The following DCLK3 variants were observed in gnomAD, a reference collection of about 807,000 sequenced individuals.
DCLK3 encodes serine/threonine-protein kinase DCLK3.
Under a neutral mutation model 46.4 loss-of-function variants are expected in DCLK3, and 30 were observed. The observed-to-expected ratio is 0.65, with a 90% CI of 0.48 to 0.88. The LOEUF (loss-of-function observed/expected upper bound fraction) is 0.88, where lower values mean the gene tolerates loss of function less well. Among genes scored for constraint, DCLK3 ranks in the 40% least tolerant of loss-of-function variants. The pLI is 0.00. For synonymous variants in DCLK3, 401 were observed against 339.2 expected (o/e 1.18, Z -2.00); for missense variants, 846 against 907.1 (o/e 0.93, Z 0.87).
chr3:36,748,323 T>C (rs748426682), intron 1 of DCLK3, among the ~76,000 whole-genome samples: 1 of 152,168 alleles, frequency 6.6e-6, no homozygotes, highest in African/African-American at 2.4e-5. Flanking sequence ...ACAGCTGGTT[T>C]AAGTGTTGTT....
At chr3:36,752,525 T>C (rs1333934907) in intron 1 of DCLK3, among the ~76,000 whole-genome samples, 1 of 152,216 alleles carries the variant, frequency 6.6e-6, no homozygotes, top group African/African-American at 2.4e-5. Context: ...TTAGAATTCA[T>C]AAGTAGAAGA....
intron 2 of DCLK3, among the ~76,000 whole-genome samples, chr3:36,724,762 A>C (rs1559387525): frequency 6.6e-6 from 1 of 152,120 alleles, no homozygotes; most frequent in African/African-American, 2.4e-5. Flanking sequence ...TTTTCTTCCC[A>C]GTCTCAGGTA....
chr3:36,739,046 T>G lies in DCLK3; in HGVS notation c.121A>C (p.Ser41Arg). The G allele has an allele frequency of 2.5e-6, 1 of 398,772 alleles. No individual in the cohort carries two copies. Among genetic ancestry groups the G allele is most frequent in the Non-Finnish European group, 4.4e-6 (1 of 226,098 alleles). 24.7% of individuals were successfully genotyped at this position (398,772 alleles called of 1,614,324 possible). A position where few individuals can be genotyped will look rare whatever the true frequency, so the allele number is the denominator to read the frequency against. Residue 41 changes from serine to arginine, a missense_variant, in exon 2 of 5, where the codon AGC becomes CGC. By Grantham distance (110) the Ser-to-Arg change is moderately radical. Transcript: ENST00000636136. ...AGCTTCCGCTCTGTGATTCTCGAGC[T>G]TAAATATTTTAGAGAATGGTCACAT... ...GLCDHSLKYL[S>R]SRITERKLQG...
intron 1 of DCLK3, among the ~76,000 whole-genome samples, chr3:36,750,555 T>C (rs1165002165): frequency 6.6e-6 from 1 of 152,208 alleles, no homozygotes; most frequent in Non-Finnish European, 1.5e-5. Flanking sequence ...TCTCACAAAC[T>C]GCTTGTGTTG....
chr3:36,737,679 C>T lies in DCLK3; in HGVS notation c.1488G>A (p.Thr496=), dbSNP rs146494181. The T allele has an allele frequency of 8.0e-5, 129 of 1,613,552 alleles. 1 individual carries two copies. The African/African-American group carries it at 1.5e-3, about 18-fold the overall frequency. Residue 496 remains threonine, a synonymous_variant, in exon 2 of 5, where the codon ACG becomes ACA. Coordinates refer to ENST00000636136, the MANE Select transcript of DCLK3 (RefSeq NM_001394672.2). The surrounding 1 kb of genome is among the most constrained non-coding windows in gnomAD (Gnocchi z 4.4). ...QPAKLEKEPK[T]RPEENKPERP... is the part of the protein sequence containing the mutation. Reference sequence around the variant, plus strand: ...GCTCTGGCTTGTTCTCTTCTGGCCTCGTCTTGGGCTCCTTTTCTAGCTTTG... The same window carrying T: ...GCTCTGGCTTGTTCTCTTCTGGCCTTGTCTTGGGCTCCTTTTCTAGCTTTG...
At chr3:36,744,545 C>T (rs757432994) in intron 1 of DCLK3, among the ~76,000 whole-genome samples, 4 of 152,200 alleles carry the variant, frequency 2.6e-5, no homozygotes, top group Non-Finnish European at 5.9e-5. Context: ...TAATTAATCC[C>T]TATGAACCTC....
Position 36,737,056 on chromosome 3 carries a change from A to G in DCLK3, c.1959+152T>C. 1.8e-6 allele frequency: 2 copies of G among 1,135,378 alleles called. No homozygotes were observed. Among genetic ancestry groups the G allele is most frequent in the Non-Finnish European group, 1.2e-6 (1 of 822,132 alleles). The allele number at this position is 1,135,378 out of a possible 1,614,324, so 70.3% of individuals were successfully genotyped here. A position where few individuals can be genotyped will look rare whatever the true frequency, so the allele number is the denominator to read the frequency against. On this transcript the variant is annotated intron_variant, in intron 2 of 4. Transcript: ENST00000636136. This position sits in a 1 kb window ranked among gnomAD's most constrained non-coding sequence, Gnocchi z 4.4. The stretch of plus-strand genomic sequence containing the variant: ...TTATCTCAGCAACTTATGACCTATA[A>G]CCATAGTTTTAAATACTGGAACAAG...
chr3:36,728,407 G>A (rs534989018), intron 2 of DCLK3, among the ~76,000 whole-genome samples: 2 of 152,300 alleles, frequency 1.3e-5, no homozygotes, highest in Non-Finnish European at 2.9e-5. Flanking sequence ...GAGGAGATTG[G>A]TGTGTGAATC....
In DCLK3 at chr3:36,752,073, C is replaced by T. The variant is rs188583959; in HGVS notation, c.82+12109G>A. Among the ~76,000 whole-genome samples the T allele has an allele frequency of 2.4e-3, 367 of 152,386 alleles. 3 individuals are homozygous for T. The highest frequency in any genetic ancestry group is 0.017 in the Middle Eastern group (5 of 294). On this transcript the variant is annotated intron_variant, in intron 1 of 4. Transcript: ENST00000636136. The stretch of plus-strand genomic sequence containing the variant: ...CTGCCCCTCTCCTCCAGCTCTTACA[C>T]GTGTTGGCAGCTGATCGCTGCCCAA...
In DCLK3 at chr3:36,721,510, C is replaced by T. The variant is rs769196498; in HGVS notation, c.2092+17G>A. On this transcript the variant is annotated intron_variant, in intron 3 of 4. Coordinates refer to ENST00000636136, the MANE Select transcript of DCLK3 (RefSeq NM_001394672.2). ...GTAAGGGAACTAGAGTCCCACAGATCGATGTGTAACACTTACCTTTCTCAG... is the reference window on the plus strand; with the variant it reads ...GTAAGGGAACTAGAGTCCCACAGATTGATGTGTAACACTTACCTTTCTCAG... 1.1e-5 allele frequency: 18 copies of T among 1,612,594 alleles called. No individual in the cohort carries two copies. The highest frequency in any genetic ancestry group is 1.7e-4 in the Middle Eastern group (1 of 6,052).
intron 2 of DCLK3, among the ~76,000 whole-genome samples, chr3:36,728,361 G>C (rs547686943): frequency 1.3e-5 from 2 of 152,110 alleles, no homozygotes; most frequent in African/African-American, 2.4e-5. Context: ...TATCATTGGT[G>C]GGGGGTGGGG....
intron 2 of DCLK3, among the ~76,000 whole-genome samples, chr3:36,728,041 A>G (rs577786905): frequency 2.0e-5 from 3 of 152,324 alleles, no homozygotes; most frequent in South Asian, 2.1e-4. Flanking sequence ...CTCCCACCAG[A>G]CTATCGTTCA....
intron 1 of DCLK3, among the ~76,000 whole-genome samples, chr3:36,746,878 G>A (rs1701398050): frequency 6.6e-6 from 1 of 152,202 alleles, no homozygotes; most frequent in Non-Finnish European, 1.5e-5. Context: ...CAGACAGTCT[G>A]GGTGGGGCCT....
intron 2 of DCLK3, among the ~76,000 whole-genome samples, chr3:36,731,635 A>G (rs530009627): frequency 6.6e-6 from 1 of 152,228 alleles, no homozygotes; most frequent in South Asian, 2.1e-4. Flanking sequence ...GGTCATAAAC[A>G]TCTGTTACCC....
chr3:36,756,858 T>A (rs549779883), intron 1 of DCLK3, among the ~76,000 whole-genome samples: 1 of 151,700 alleles, frequency 6.6e-6, no homozygotes, highest in African/African-American at 2.4e-5. Flanking sequence ...GTGACAGGTA[T>A]GCCTTCGCTC....
In DCLK3 at chr3:36,732,711, G is replaced by T. The variant is rs531402356; in HGVS notation, c.1959+4497C>A. Among the ~76,000 whole-genome samples the T allele has an allele frequency of 4.6e-5, 7 of 152,280 alleles. No individual in the cohort carries two copies. The East Asian group carries it at 1.3e-3, about 29-fold the overall frequency. ...AGTTTTTTAAATTAATGTGATTGGG[G>T]TATAAATGCATTCATGAATACTTGG... On this transcript the variant is annotated intron_variant, in intron 2 of 4. Coordinates refer to ENST00000636136, the MANE Select transcript of DCLK3 (RefSeq NM_001394672.2).
intron 1 of DCLK3, among the ~76,000 whole-genome samples, chr3:36,763,781 G>T (rs1204809196): frequency 6.6e-6 from 1 of 152,128 alleles, no homozygotes; most frequent in Non-Finnish European, 1.5e-5. Context: ...TAGGTGAAGC[G>T]CTTGGCATGT....
chr3:36,737,060 T>C lies in DCLK3; in HGVS notation c.1959+148A>G, dbSNP rs1701271694. The C allele has an allele frequency of 4.3e-6, 5 of 1,167,898 alleles. No individual in the cohort carries two copies. The East Asian group carries it at 1.3e-4, about 30-fold the overall frequency. 72.3% of individuals were successfully genotyped at this position (1,167,898 alleles called of 1,614,324 possible). A position where few individuals can be genotyped will look rare whatever the true frequency, so the allele number is the denominator to read the frequency against. ...CTCAGCAACTTATGACCTATAACCATAGTTTTAAATACTGGAACAAGTATG... is the reference window on the plus strand; with the variant it reads ...CTCAGCAACTTATGACCTATAACCACAGTTTTAAATACTGGAACAAGTATG... On this transcript the variant is annotated intron_variant, in intron 2 of 4. Transcript: ENST00000636136. This position sits in a 1 kb window ranked among gnomAD's most constrained non-coding sequence, Gnocchi z 4.4.
At chr3:36,721,879 T>C (rs1188260283) in intron 2 of DCLK3, among the ~76,000 whole-genome samples, 4 of 152,234 alleles carry the variant, frequency 2.6e-5, no homozygotes, top group African/African-American at 9.6e-5. Context: ...CCGTCCAATA[T>C]GGTAGCACCA....
Sources: allele counts gnomAD v4.1 joint callset (sites outside exome capture counted in the v4.1 genomes callset), GRCh38; gene constraint gnomAD v4.1.1; non-coding constraint Gnocchi (gnomAD v3.1); transcripts MANE v1.5; gene names NCBI Gene and HGNC (gene_info 2026-07-23, HGNC 2026-07-21).